The following ITFG1 variants were observed in gnomAD, a reference collection of about 807,000 sequenced individuals.
The protein encoded by ITFG1 is integrin alpha FG-GAP repeat containing 1.
ITFG1 carries 34 observed loss-of-function variants against 81.8 expected under a neutral mutation model. The ratio of observed to expected loss-of-function variants is 0.42; its 90% confidence interval spans 0.32 to 0.55. The LOEUF (loss-of-function observed/expected upper bound fraction) is 0.55, where lower values mean the gene tolerates loss of function less well. Among genes scored for constraint, ITFG1 ranks in the 20% least tolerant of loss-of-function variants. The pLI, the probability that ITFG1 is intolerant of heterozygous loss-of-function variation, is 0.17. For synonymous variants in ITFG1, 285 were observed against 270.6 expected, an observed-to-expected ratio of 1.05 and a Z score of -0.52; for missense variants, 672 against 755.4, an observed-to-expected ratio of 0.89 and a Z score of 1.29.
intron 10 of ITFG1, among the ~76,000 whole-genome samples, chr16:47,295,110 G>C (rs769708824): frequency 1.3e-5 from 2 of 152,106 alleles, no homozygotes; most frequent in Non-Finnish European, 2.9e-5. Context: ...TTACTGAGAT[G>C]ATCATACAGT....
chr16:47,459,078 T>C, intron 2 of ITFG1, 25 bp downstream of exon 2: 7 of 1,359,556 alleles, frequency 5.1e-6, no homozygotes, highest in South Asian at 1.2e-5. Context: ...TAAAGTTTTA[T>C]CAAAATAATC....
At chr16:47,299,101 T>A (rs1421635300) in intron 10 of ITFG1, among the ~76,000 whole-genome samples, 4 of 152,158 alleles carry the variant, frequency 2.6e-5, no homozygotes, top group Non-Finnish European at 5.9e-5. Flanking sequence ...ACCAGCACCA[T>A]GGCTTTGACA....
At chr16:47,178,232 TCTC>T (rs1056612050) in intron 14 of ITFG1, among the ~76,000 whole-genome samples, 1 of 152,180 alleles carries the variant, frequency 6.6e-6, no homozygotes, top group Admixed American at 6.5e-5. Context: ...GGTAAAATCT[TCTC>T]CTGGCCTGTT....
At chr16:47,305,950 T>C (rs559031869) in intron 10 of ITFG1, among the ~76,000 whole-genome samples, 5 of 152,198 alleles carry the variant, frequency 3.3e-5, no homozygotes, top group Non-Finnish European at 7.3e-5. Context: ...CAGTAAACCC[T>C]GTAGCTAAGT....
At chr16:47,363,739 A>T (rs1443708680) in intron 8 of ITFG1, among the ~76,000 whole-genome samples, 1 of 152,224 alleles carries the variant, frequency 6.6e-6, no homozygotes, top group Admixed American at 6.5e-5. Context: ...TAGCCACATA[A>T]CAAAATTTGG....
intron 14 of ITFG1, among the ~76,000 whole-genome samples, chr16:47,193,982 A>C (rs1965324459): frequency 1.3e-5 from 2 of 152,372 alleles, no homozygotes; most frequent in African/African-American, 4.8e-5. Flanking sequence ...AGAAATAAAG[A>C]GAAAACATTT....
chr16:47,162,516 T>G, intron 15 of ITFG1, 24 bp downstream of exon 15: 1 of 1,559,520 alleles, frequency 6.4e-7, no homozygotes. Context: ...AGATTAATTG[T>G]AAACAAAATG....
intron 5 of ITFG1, among the ~76,000 whole-genome samples, chr16:47,444,427 A>T (rs1044060470): frequency 6.6e-5 from 10 of 152,302 alleles, no homozygotes; most frequent in South Asian, 2.1e-4. Context: ...TAGTGTATTG[A>T]AAAAAGAATA....
At chr16:47,438,754 T>C (rs1969204364) in intron 5 of ITFG1, among the ~76,000 whole-genome samples, 1 of 152,078 alleles carries the variant, frequency 6.6e-6, no homozygotes, top group Non-Finnish European at 1.5e-5. Context: ...ACAGAAAAAC[T>C]AGAAACTCTA....
intron 13 of ITFG1, among the ~76,000 whole-genome samples, chr16:47,228,362 T>C (rs1248996983): frequency 6.6e-6 from 1 of 152,170 alleles, no homozygotes; most frequent in Non-Finnish European, 1.5e-5. Flanking sequence ...GGTTTTTTTT[T>C]TGTTTGTTTG....
chr16:47,443,712 C>T (rs1969286301), intron 5 of ITFG1, among the ~76,000 whole-genome samples: 4 of 151,924 alleles, frequency 2.6e-5, no homozygotes, highest in African/African-American at 9.7e-5. Context: ...AACACATGGA[C>T]AGAGGAAGGG....
intron 5 of ITFG1, among the ~76,000 whole-genome samples, chr16:47,442,335 A>G (rs1259059860): frequency 6.6e-6 from 1 of 152,204 alleles, no homozygotes; most frequent in African/African-American, 2.4e-5. Context: ...GACTACTTTA[A>G]AGTTCATATG....
chr16:47,400,827 C>T (rs773229418), intron 6 of ITFG1, among the ~76,000 whole-genome samples: 3 of 152,094 alleles, frequency 2.0e-5, no homozygotes, highest in East Asian at 1.9e-4. Context: ...AAGAGAGTTA[C>T]GGCTAGAGCA....
intron 12 of ITFG1, among the ~76,000 whole-genome samples, chr16:47,249,010 T>A (rs1173316443): frequency 6.6e-6 from 1 of 152,238 alleles, no homozygotes; most frequent in Non-Finnish European, 1.5e-5. Flanking sequence ...ACTCTCTCTG[T>A]GTTGCTTAGT....
At chr16:47,452,670 T>A in intron 4 of ITFG1, 63 bp downstream of exon 4, 1 of 1,073,194 alleles carries the variant, frequency 9.3e-7, no homozygotes, top group Non-Finnish European at 1.4e-6. Flanking sequence ...TAGTTTCCTA[T>A]GTGAAGATTT....
chr16:47,259,098 G>C lies in ITFG1; in HGVS notation c.1222-358C>G, dbSNP rs530233756. Among the ~76,000 whole-genome samples the C allele has an allele frequency of 7.9e-4, 121 of 152,234 alleles. 1 individual carries two copies. Among genetic ancestry groups the C allele is most frequent in the African/African-American group, 2.8e-3 (115 of 41,522 alleles). On this transcript the variant is annotated intron_variant, in intron 11 of 17. Coordinates refer to ENST00000320640, the MANE Select transcript of ITFG1 (RefSeq NM_030790.5). ...CTTTTCATCTGCCCTTGCCACCACA[G>C]CATTTTATCATTTGCTTTCAAAAAG...
At chr16:47,325,695 C>T (rs1015626396) in intron 8 of ITFG1, among the ~76,000 whole-genome samples, 1 of 152,100 alleles carries the variant, frequency 6.6e-6, no homozygotes, top group Non-Finnish European at 1.5e-5. Context: ...ACTATAAACA[C>T]CTCTACGCAA....
intron 12 of ITFG1, among the ~76,000 whole-genome samples, chr16:47,248,740 G>A (rs979645227): frequency 6.6e-6 from 1 of 152,128 alleles, no homozygotes; most frequent in Admixed American, 6.5e-5. Flanking sequence ...TTAAAAGTGA[G>A]ACAGTTATAT....
intron 8 of ITFG1, among the ~76,000 whole-genome samples, chr16:47,354,473 C>T (rs1596923846): frequency 6.6e-6 from 1 of 152,066 alleles, no homozygotes; most frequent in South Asian, 2.1e-4. Context: ...TGGGGAAATA[C>T]TTCATGACAT....
Sources: allele counts gnomAD v4.1 joint callset (sites outside exome capture counted in the v4.1 genomes callset), GRCh38; gene constraint gnomAD v4.1.1; transcripts MANE v1.5; gene names NCBI Gene and HGNC (gene_info 2026-07-23, HGNC 2026-07-21).